The following USP22 variants were observed in gnomAD, a reference collection of about 807,000 sequenced individuals.
The protein encoded by USP22 is ubiquitin carboxyl-terminal hydrolase 22.
USP22 carries 22 observed loss-of-function variants against 68.1 expected under a neutral mutation model. The ratio of observed to expected loss-of-function variants is 0.32; its 90% CI spans 0.23 to 0.46. The LOEUF (loss-of-function observed/expected upper bound fraction) is 0.46. USP22 is among the 20% of genes least tolerant of loss of function. The pLI, the probability that USP22 is intolerant of heterozygous loss-of-function variation, is 1.00. For missense variants in USP22, 433 were observed against 695.8 expected, an observed-to-expected ratio of 0.62 and a Z score of 4.25; for synonymous variants, 279 against 274.2, an observed-to-expected ratio of 1.02 and a Z score of -0.17.
rs965433916 is a variant in USP22, at chr17:21,002,955, G to A, written c.*76C>T. The A allele has an allele frequency of 1.2e-5, 19 of 1,569,884 alleles. No homozygotes were observed. The Admixed American group carries it at 1.7e-4, about 14-fold the overall frequency. ...GGAGGCGGCGGGAGACTTGGGGGAG[G>A]GGGGGGCCAGGGAGGATCACTTTGT... On this transcript the variant is annotated 3_prime_UTR_variant, in exon 13 of 13. Coordinates refer to ENST00000261497, the MANE Select transcript of USP22 (RefSeq NM_015276.2).
intron 12 of USP22, among the ~76,000 whole-genome samples, chr17:21,003,636 T>G (rs1913672070): frequency 6.6e-6 from 1 of 152,074 alleles, no homozygotes; most frequent in Non-Finnish European, 1.5e-5. Context: ...GCCCGGTGGC[T>G]CATGCCTGTA....
At chr17:21,043,095 C>CGCCGCG (rs1215278223), upstream of USP22, 32 of 158,716 alleles carry the variant, frequency 2.0e-4, 1 homozygote, top group South Asian at 5.1e-4. Context: ...CGGGGCGGGG[C>CGCCGCG]GCCGCGGCCG....
intron 8 of USP22, among the ~76,000 whole-genome samples, chr17:21,008,382 A>C (rs1048236334): frequency 3.9e-5 from 6 of 152,220 alleles, no homozygotes; most frequent in Admixed American, 3.9e-4. Flanking sequence ...CCCATGGCTG[A>C]ATAATTAAAG....
At position 21,000,862 on chromosome 17, in the gene USP22, A is replaced by C. The variant is rs188404860; in HGVS notation, c.*2169T>G. 2.0e-5 allele frequency: 3 copies of C among 152,252 alleles called. No homozygotes were observed. The highest frequency in any genetic ancestry group is 3.9e-4 in the East Asian group (2 of 5,174). 9.4% of individuals were successfully genotyped at this position (152,252 alleles called of 1,614,324 possible). ...TGGATCGCCTGAGGTCAGGAGTTTG[A>C]GACATGGTGAAACCCCATCTCTACT... On this transcript the variant is annotated 3_prime_UTR_variant, in exon 13 of 13. Coordinates refer to ENST00000261497, the MANE Select transcript of USP22 (RefSeq NM_015276.2).
chr17:21,001,220 A>G lies in USP22; in HGVS notation c.*1811T>C, dbSNP rs1048879793. 1.3e-5 allele frequency: 2 copies of G among 152,200 alleles called. No homozygotes were observed. Among genetic ancestry groups the G allele is most frequent in the African/African-American group, 4.8e-5 (2 of 41,438 alleles). 9.4% of individuals were successfully genotyped at this position (152,200 alleles called of 1,614,324 possible). ...TGAATTCTTTAAGTGCAGAAAAACAACAGAAAATGAACAGAGCACGTGGGC... is the reference window on the plus strand; with the variant it reads ...TGAATTCTTTAAGTGCAGAAAAACAGCAGAAAATGAACAGAGCACGTGGGC... On this transcript the variant is annotated 3_prime_UTR_variant, in exon 13 of 13. Coordinates refer to ENST00000261497, the MANE Select transcript of USP22 (RefSeq NM_015276.2).
chr17:21,034,331 C>G (rs545150284), intron 1 of USP22, among the ~76,000 whole-genome samples: 17 of 152,248 alleles, frequency 1.1e-4, no homozygotes, highest in South Asian at 2.1e-4. Flanking sequence ...TTGGACAGGT[C>G]AGGAGACTTA....
chr17:21,010,247 T>C (rs954875560), intron 8 of USP22, among the ~76,000 whole-genome samples: 3 of 152,354 alleles, frequency 2.0e-5, no homozygotes, highest in African/African-American at 7.2e-5. Flanking sequence ...TTCTAAGGGA[T>C]ACTTCCACTC....
rs1487768564 is a variant in USP22 at position 21,001,254 on chromosome 17, GC to G, written c.*1776del. 1 of 152,090 alleles carries G rather than the reference GC, an allele frequency of 6.6e-6. No individual in the cohort carries two copies. Among genetic ancestry groups the G allele is most frequent in the Non-Finnish European group, 1.5e-5 (1 of 68,022 alleles). The allele number at this position is 152,090 out of a possible 1,614,324, so 9.4% of individuals were successfully genotyped here. A position where few individuals can be genotyped will look rare whatever the true frequency, so the allele number is the denominator to read the frequency against. ...GAACAGAGCACGTGGGCAAGAAACCGCATCCCTCAGGCTTCTGCCACACATG... is the reference window on the plus strand; with the variant it reads ...GAACAGAGCACGTGGGCAAGAAACCGATCCCTCAGGCTTCTGCCACACATG... On this transcript the variant is annotated 3_prime_UTR_variant, in exon 13 of 13. Coordinates refer to ENST00000261497, the MANE Select transcript of USP22 (RefSeq NM_015276.2).
At position 21,007,848 on chromosome 17, in the gene USP22, G is replaced by A. The variant is rs200790912; in HGVS notation, c.1230+22C>T. On this transcript the variant is annotated intron_variant, in intron 9 of 12. Coordinates refer to ENST00000261497, the MANE Select transcript of USP22 (RefSeq NM_015276.2). ...ACTAAAAACTAAGTCTGCCATTAGA[G>A]TTGGCTTTCTGGAAAACTTACTTTG... is the stretch of plus-strand genomic sequence containing the variant. The A allele has an allele frequency of 1.8e-3, 2,886 of 1,614,080 alleles. 3 individuals carry two copies. Among genetic ancestry groups the A allele is most frequent in the Non-Finnish European group, 2.3e-3 (2,675 of 1,179,954 alleles).
chr17:21,007,844 T>C (rs1299343886), intron 9 of USP22, 26 bp downstream of exon 9: 1 of 1,613,924 alleles, frequency 6.2e-7, no homozygotes, highest in African/African-American at 1.3e-5. Flanking sequence ...AGTCTGCCAT[T>C]AGAGTTGGCT....
At chr17:21,043,302 C>CCCCCCCCCCCG (rs1972473966), upstream of USP22, 1 of 47,548 alleles carries the variant, frequency 2.1e-5, no homozygotes. Flanking sequence ...GTAGGCCACC[C>CCCCCCCCCCCG]CCCCCCCCCC....
rs771373360 is a variant in USP22 at position 21,012,864 on chromosome 17, C to T, written c.910G>A (p.Gly304Arg). 5 of 1,613,924 alleles carry T rather than the reference C, an allele frequency of 3.1e-6. No individual in the cohort carries two copies. The highest frequency in any genetic ancestry group is 1.3e-5 in the African/African-American group (1 of 74,832). ...NCIIDQIFTG[G>R]LQSDVTCQVC... ...TGGCAGGTGACGTCTGACTGCAACC[C>T]GCCTGTGAAGATCTGGTCTATGATG... Residue 304 changes from glycine (G) to arginine (R), a missense_variant, in exon 7 of 13, where the codon GGG (glycine) becomes AGG (arginine). This residue lies in a region of USP22 where 178 missense variants were observed against 351.5 expected (regional missense o/e 0.51). Transcript: ENST00000261497.
At chr17:21,013,174 C>T (rs1914021334) in intron 6 of USP22, among the ~76,000 whole-genome samples, 1 of 152,216 alleles carries the variant, frequency 6.6e-6, no homozygotes, top group Non-Finnish European at 1.5e-5. Context: ...CCCACAGCTT[C>T]AGTCTTGCCA....
intron 1 of USP22, among the ~76,000 whole-genome samples, chr17:21,029,892 AG>A (rs1972267394): frequency 6.6e-6 from 1 of 152,244 alleles, no homozygotes; most frequent in Non-Finnish European, 1.5e-5. Flanking sequence ...AGGGAGAACA[AG>A]GAACAAATAA....
intron 2 of USP22, among the ~76,000 whole-genome samples, chr17:21,027,324 C>T (rs1359319313): frequency 1.7e-5 from 2 of 114,916 alleles, no homozygotes; most frequent in Admixed American, 8.5e-5. Flanking sequence ...GACACACTAT[C>T]TGTGTCGTCA....
chr17:21,019,230 C>T, intron 3 of USP22, 45 bp from the exon 4 acceptor site: 3 of 1,580,548 alleles, frequency 1.9e-6, no homozygotes, highest in Non-Finnish European at 2.6e-6. Context: ...GCTAGATTTT[C>T]ACATCAAGTG....
chr17:21,022,996 A>C (rs111637003), intron 2 of USP22, among the ~76,000 whole-genome samples: 1 of 152,244 alleles, frequency 6.6e-6, no homozygotes, highest in Non-Finnish European at 1.5e-5. Context: ...CCATGTATAC[A>C]TAAAATGAAA....
At chr17:21,020,830 T>C (rs1972147680) in intron 3 of USP22, among the ~76,000 whole-genome samples, 2 of 152,122 alleles carry the variant, frequency 1.3e-5, no homozygotes, top group South Asian at 4.1e-4. Context: ...GCTGGGGTTG[T>C]TCCCTTGGCC....
intron 1 of USP22, among the ~76,000 whole-genome samples, chr17:21,029,950 T>C (rs917065619): frequency 2.0e-4 from 30 of 152,224 alleles, no homozygotes; most frequent in African/African-American, 6.8e-4. Context: ...TGCACAGCAG[T>C]GTAAACCACG....
Sources: gnomAD v4.1 joint callset for allele counts (sites outside exome capture counted in the v4.1 genomes callset) on GRCh38, gnomAD v4.1.1 for gene constraint, gnomAD v4.1.1 regional missense constraint, MANE v1.5 for transcripts, NCBI Gene and HGNC (gene_info 2026-07-23, HGNC 2026-07-21) for gene names.